Variants in ZBTB47 observed in about 807,000 individuals in gnomAD.
ZBTB47 encodes zinc finger and BTB domain containing 47.
ZBTB47 carries 24 observed loss-of-function variants against 56.6 expected under a neutral mutation model. That is an observed-to-expected ratio of 0.42 (90% CI 0.31 to 0.60). The LOEUF (loss-of-function observed/expected upper bound fraction) is 0.60, where lower values mean the gene tolerates loss of function less well. ZBTB47 is among the 20% of genes least tolerant of loss of function. ZBTB47 has a pLI of 0.14. For synonymous variants in ZBTB47, 414 were observed against 418.9 expected (o/e 0.99, Z 0.14); for missense variants, 829 against 1,032.6 (o/e 0.80, Z 2.70).
chr3:42,654,643 G>A lies in ZBTB47; in HGVS notation c.-82+760G>A. ...TGGAGCGGCCCTGGCCTGGCCGCCGGGGGCAGCGCGATCCCGCGGGGCCCT... is the reference window on the plus strand; with the variant it reads ...TGGAGCGGCCCTGGCCTGGCCGCCGAGGGCAGCGCGATCCCGCGGGGCCCT... On this transcript the variant is annotated intron_variant, in intron 1 of 5. Coordinates refer to ENST00000232974, the MANE Select transcript of ZBTB47 (RefSeq NM_145166.4). This position sits in a 1 kb window ranked among gnomAD's most constrained non-coding sequence, Gnocchi z 5.0. 2.0e-6 allele frequency: 2 copies of A among 984,214 alleles called. No individual in the cohort carries two copies. Among genetic ancestry groups the A allele is most frequent in the African/African-American group, 1.7e-5 (1 of 57,220 alleles). 61.0% of individuals were successfully genotyped at this position (984,214 alleles called of 1,614,324 possible).
intron 2 of ZBTB47, among the ~76,000 whole-genome samples, chr3:42,660,808 G>C (rs1710706857): frequency 6.6e-6 from 1 of 152,170 alleles, no homozygotes; most frequent in Admixed American, 6.5e-5. Context: ...GAAGGAAAAA[G>C]AAGCTTCTGC....
intron 5 of ZBTB47, 140 bp downstream of exon 5, chr3:42,664,081 G>T (rs906078073): frequency 2.0e-6 from 3 of 1,469,178 alleles, no homozygotes; most frequent in Non-Finnish European, 2.7e-6. Flanking sequence ...GCCTCCCAGG[G>T]TTGGGTGAGG....
At position 42,658,899 on chromosome 3, in the gene ZBTB47, A is replaced by G. The variant is rs1187119675; in HGVS notation, c.544A>G (p.Ile182Val). The G allele has an allele frequency of 2.0e-6, 3 of 1,507,532 alleles. No individual in the cohort carries two copies. The highest frequency in any genetic ancestry group is 1.3e-5 in the South Asian group (1 of 79,292). The allele number at this position is 1,507,532 out of a possible 1,614,324, so 93.4% of individuals were successfully genotyped here. Residue 182 changes from isoleucine (I) to valine (V), a missense_variant, in exon 2 of 6, where the codon ATT becomes GTT. Physicochemically the swap from Ile to Val is conservative, Grantham distance 29 (BLOSUM62 3). This residue lies in a region of ZBTB47 where 359 missense variants were observed against 359.8 expected (regional missense o/e 1.00). Transcript: ENST00000232974. ...GTAGGTVPAT[I>V]GPAQPFFKEE... ...TGCTGGTGGCACAGTGCCTGCCACC[A>G]TTGGGCCAGCCCAGCCCTTCTTTAA... is the stretch of plus-strand genomic sequence containing the variant.
At chr3:42,655,209 C>G (rs1710626429) in intron 1 of ZBTB47, among the ~76,000 whole-genome samples, 1 of 152,138 alleles carries the variant, frequency 6.6e-6, no homozygotes, top group Admixed American at 6.5e-5. Context: ...ACAGAGGAGG[C>G]TGGCATGGAC....
At chr3:42,658,225 G>A in intron 1 of ZBTB47, 50 bp from the exon 2 acceptor site, 1 of 1,434,396 alleles carries the variant, frequency 7.0e-7, no homozygotes, top group East Asian at 2.5e-5. Context: ...GGGAAGGGCG[G>A]GCAGGGGCCC....
intron 1 of ZBTB47, among the ~76,000 whole-genome samples, chr3:42,657,705 G>A (rs1710654787): frequency 6.6e-6 from 1 of 152,238 alleles, no homozygotes; most frequent in Non-Finnish European, 1.5e-5. Flanking sequence ...CCAGAGACTG[G>A]GCAGTGAGCA....
chr3:42,659,583 G>T lies in ZBTB47; in HGVS notation c.1228G>T (p.Val410Leu). 6.2e-7 allele frequency: 1 copy of T among 1,603,208 alleles called. No homozygotes were observed. The highest frequency in any genetic ancestry group is 1.3e-5 in the African/African-American group (1 of 74,762). ...GGKRPKPPPG[V>L]ASASARGPPA... ...GAAGAGGCCAAAGCCACCCCCTGGAGTGGCCTCTGCATCGGCCCGAGGGCC... is the reference window on the plus strand; with the variant it reads ...GAAGAGGCCAAAGCCACCCCCTGGATTGGCCTCTGCATCGGCCCGAGGGCC... The change falls in exon 2 of 6, where the codon GTG becomes TTG. Residue 410 changes from valine (V) to leucine (L), a missense_variant. Val to Leu is a conservative substitution (Grantham distance 32, BLOSUM62 1). Coordinates refer to ENST00000232974, the MANE Select transcript of ZBTB47 (RefSeq NM_145166.4).
intron 1 of ZBTB47, among the ~76,000 whole-genome samples, chr3:42,657,515 G>A (rs928877616): frequency 2.6e-5 from 4 of 152,226 alleles, no homozygotes; most frequent in African/African-American, 9.6e-5. Flanking sequence ...GGGGTTGGGG[G>A]CAGCCTGGCC....
chr3:42,655,497 T>G (rs1710631433), intron 1 of ZBTB47, among the ~76,000 whole-genome samples: 1 of 152,208 alleles, frequency 6.6e-6, no homozygotes, highest in Non-Finnish European at 1.5e-5. Flanking sequence ...ATCCCCAGCC[T>G]GACTTGGGGC....
chr3:42,664,874 G>T lies in ZBTB47; in HGVS notation c.*276G>T. 1 of 327,060 alleles carries T rather than the reference G, an allele frequency of 3.1e-6. No homozygotes were observed. The highest frequency in any genetic ancestry group is 5.4e-6 in the Non-Finnish European group (1 of 184,338). The allele number at this position is 327,060 out of a possible 1,614,324, so 20.3% of individuals were successfully genotyped here. On this transcript the variant is annotated 3_prime_UTR_variant, in exon 6 of 6. Coordinates refer to ENST00000232974, the MANE Select transcript of ZBTB47 (RefSeq NM_145166.4). ...TTTTTTTTTGGAAGTGAAGGAAAAA[G>T]AAACTATTTACAGCACTCCCCTCCA...
rs1432756559 is a variant in ZBTB47 at position 42,654,567 on chromosome 3, G to A, written c.-82+684G>A. 27 of 505,398 alleles carry A rather than the reference G, an allele frequency of 5.3e-5. No individual in the cohort carries two copies. In the East Asian group the frequency reaches 3.0e-3, roughly 57 times the overall value. The allele number at this position is 505,398 out of a possible 1,614,324, so 31.3% of individuals were successfully genotyped here. A position where few individuals can be genotyped will look rare whatever the true frequency, so the allele number is the denominator to read the frequency against. On this transcript the variant is annotated intron_variant, in intron 1 of 5. Coordinates refer to ENST00000232974, the MANE Select transcript of ZBTB47 (RefSeq NM_145166.4). The surrounding 1 kb of genome is among the most constrained non-coding windows in gnomAD (Gnocchi z 5.0). Reference sequence around the variant, plus strand: ...CCGCCTGCCTGGCCGCGCCCCCGGGGGCCATGGTCGCGGGGCCCTGCGCGG... The same window carrying A: ...CCGCCTGCCTGGCCGCGCCCCCGGGAGCCATGGTCGCGGGGCCCTGCGCGG...
In ZBTB47 at chr3:42,664,545, C is replaced by G. The variant is rs936439468; in HGVS notation, c.2191C>G (p.Pro731Ala). Residue 731 changes from proline (P) to alanine (A), a missense_variant, in exon 6 of 6, where the codon CCG becomes GCG. Physicochemically the swap from Pro to Ala is conservative, Grantham distance 27 (BLOSUM62 -1). Transcript: ENST00000232974. ...CCCGCCCCACCTGCCGCCCCCGCCT[C>G]CGCTCTTCCCCACCACTGCCAGCCC... is the stretch of plus-strand genomic sequence containing the variant. ...PPPPHLPPPP[P>A]LFPTTASPGG... 18 of 1,421,912 alleles carry G rather than the reference C, an allele frequency of 1.3e-5. No homozygotes were observed. The highest frequency in any genetic ancestry group is 1.6e-5 in the Non-Finnish European group (18 of 1,101,466). 88.1% of individuals were successfully genotyped at this position (1,421,912 alleles called of 1,614,324 possible).
At chr3:42,661,656 G>A (rs759624303) in intron 3 of ZBTB47, 24 bp downstream of exon 3, 2 of 1,612,536 alleles carry the variant, frequency 1.2e-6, no homozygotes, top group Non-Finnish European at 1.7e-6. Flanking sequence ...ACTGGGGGAT[G>A]GAGCCAGAGG....
In ZBTB47 at chr3:42,665,074, G is replaced by A. The variant is rs1360603857; in HGVS notation, c.*476G>A. 1 of 153,348 alleles carries A rather than the reference G, an allele frequency of 6.5e-6. No homozygotes were observed. Among genetic ancestry groups the A allele is most frequent in the Non-Finnish European group, 1.5e-5 (1 of 68,902 alleles). 9.5% of individuals were successfully genotyped at this position (153,348 alleles called of 1,614,324 possible). On this transcript the variant is annotated 3_prime_UTR_variant, in exon 6 of 6. Transcript: ENST00000232974. ...CTAATTTGCTTCCTCATCTTGGAGG[G>A]TTTGGGGAGAAGTTGGCGTGCCACC...
chr3:42,660,509 C>T (rs1397086049), intron 2 of ZBTB47, among the ~76,000 whole-genome samples: 1 of 152,184 alleles, frequency 6.6e-6, no homozygotes. Context: ...GGCCTTGAGC[C>T]AGCCTGAGTC....
At position 42,659,449 on chromosome 3, in the gene ZBTB47, G is replaced by A. The variant is rs749594320; in HGVS notation, c.1094G>A (p.Arg365Gln). Residue 365 changes from arginine (R) to glutamine (Q), a missense_variant, in exon 2 of 6, where the codon CGA becomes CAA. By Grantham distance (43) the Arg-to-Gln change is conservative (BLOSUM62 1). Coordinates refer to ENST00000232974, the MANE Select transcript of ZBTB47 (RefSeq NM_145166.4). ...AGGKQGPRGS[R>Q]SSRADPPPHS... ...GGCAAGCAGGGGCCACGGGGAAGCC[G>A]AAGCAGCCGGGCAGACCCCCCTCCC... 24 of 1,494,218 alleles carry A rather than the reference G, an allele frequency of 1.6e-5. No homozygotes were observed. The highest frequency in any genetic ancestry group is 2.2e-4 in the Middle Eastern group (1 of 4,496). 92.6% of individuals were successfully genotyped at this position (1,494,218 alleles called of 1,614,324 possible).
rs1710748671 is a variant in ZBTB47 at position 42,663,703 on chromosome 3, C to G, written c.1738-94C>G. Reference sequence around the variant, plus strand: ...TGCCCAGGAGCCCCTGAGTGTGTCCCTCCTTGGCCCTGTGGCCACAGGGGA... The same window carrying G: ...TGCCCAGGAGCCCCTGAGTGTGTCCGTCCTTGGCCCTGTGGCCACAGGGGA... On this transcript the variant is annotated intron_variant, in intron 4 of 5. Transcript: ENST00000232974. This position sits in a 1 kb window ranked among gnomAD's most constrained non-coding sequence, Gnocchi z 5.1. 1 of 1,504,752 alleles carries G rather than the reference C, an allele frequency of 6.6e-7. No individual in the cohort carries two copies. Among genetic ancestry groups the G allele is most frequent in the East Asian group, 2.4e-5 (1 of 42,446 alleles). The allele number at this position is 1,504,752 out of a possible 1,614,324, so 93.2% of individuals were successfully genotyped here.
At position 42,661,653 on chromosome 3, in the gene ZBTB47, G is replaced by A. The variant is rs774320349; in HGVS notation, c.1621+21G>A. On this transcript the variant is annotated intron_variant, in intron 3 of 5. Transcript: ENST00000232974. ...GGTTGGTAAGTCTGGGCCACTGGGG[G>A]ATGGAGCCAGAGGATAGAGATGGAC... is the stretch of plus-strand genomic sequence containing the variant. 1.5e-5 allele frequency: 24 copies of A among 1,612,956 alleles called. No homozygotes were observed. In the Middle Eastern group the frequency reaches 6.7e-4, roughly 45 times the overall value.
Position 42,659,162 on chromosome 3 carries a change from G to A in ZBTB47, c.807G>A (p.Glu269=). The A allele has an allele frequency of 6.6e-7, 1 of 1,517,922 alleles. No individual in the cohort carries two copies. Among genetic ancestry groups the A allele is most frequent in the Non-Finnish European group, 8.8e-7 (1 of 1,137,022 alleles). The allele number at this position is 1,517,922 out of a possible 1,614,324, so 94.0% of individuals were successfully genotyped here. A position where few individuals can be genotyped will look rare whatever the true frequency, so the allele number is the denominator to read the frequency against. Residue 269 remains glutamate, a synonymous_variant, in exon 2 of 6, where the codon GAG becomes GAA. Coordinates refer to ENST00000232974, the MANE Select transcript of ZBTB47 (RefSeq NM_145166.4). ...CAGCCACCGTGGTTCTGGGCCGGGA[G>A]GACGGGCTGCAGAGACACTCGGACG... The part of the protein sequence containing the change: ...PSPATVVLGR[E]DGLQRHSDEE...
Sources: gnomAD v4.1 joint callset for allele counts (sites outside exome capture counted in the v4.1 genomes callset) on GRCh38, gnomAD v4.1.1 for gene constraint, gnomAD v4.1.1 regional missense constraint, Gnocchi (gnomAD v3.1) non-coding constraint, MANE v1.5 for transcripts, NCBI Gene and HGNC (gene_info 2026-07-23, HGNC 2026-07-21) for gene names.